The following AGBL4 variants were observed in gnomAD, a reference collection of about 807,000 sequenced individuals.
The protein encoded by AGBL4 is cytosolic carboxypeptidase 6.
Under a neutral mutation model 66.4 loss-of-function variants are expected in AGBL4, and 58 were observed. The observed-to-expected ratio is 0.87, with a 90% CI of 0.71 to 1.09. AGBL4 has a LOEUF of 1.09. Among genes scored for constraint, AGBL4 ranks in the 50% least tolerant of loss-of-function variants. The probability of loss-of-function intolerance (pLI) is 0.00; values close to 1 mark genes in which losing one functional copy is unlikely to be tolerated. For synonymous variants in AGBL4, 234 were observed against 222.9 expected (o/e 1.05, Z -0.44); for missense variants, 579 against 631.0 (o/e 0.92, Z 0.88).
intron 1 of AGBL4, among the ~76,000 whole-genome samples, chr1:49,917,043 T>G (rs1228781355): frequency 6.6e-6 from 1 of 152,072 alleles, no homozygotes; most frequent in East Asian, 1.9e-4. Context: ...GCTGAGAGAT[T>G]TTGTCACCAC....
chr1:49,372,410 T>C (rs1004963767), intron 3 of AGBL4, among the ~76,000 whole-genome samples: 4 of 152,110 alleles, frequency 2.6e-5, no homozygotes, highest in African/African-American at 9.7e-5. Flanking sequence ...TTAAAGTTCT[T>C]ATTCCACATT....
intron 3 of AGBL4, among the ~76,000 whole-genome samples, chr1:49,658,752 G>A (rs561852537): frequency 2.2e-3 from 331 of 151,736 alleles, no homozygotes; most frequent in African/African-American, 7.3e-3. Flanking sequence ...GCAAACTATC[G>A]CAAGGACAAA....
intron 4 of AGBL4, among the ~76,000 whole-genome samples, chr1:49,212,547 C>G (rs1346938754): frequency 6.6e-6 from 1 of 152,094 alleles, no homozygotes; most frequent in East Asian, 1.9e-4. Flanking sequence ...TTTAAACAAG[C>G]TGCTAACCCT....
chr1:49,498,135 T>C (rs917886637), intron 3 of AGBL4, among the ~76,000 whole-genome samples: 2 of 151,944 alleles, frequency 1.3e-5, no homozygotes, highest in Non-Finnish European at 2.9e-5. Flanking sequence ...TTGTAGATGT[T>C]GTAAAAGAGA....
intron 1 of AGBL4, among the ~76,000 whole-genome samples, chr1:49,924,496 GATTTATTT>G (rs79857167): frequency 2.9e-4 from 44 of 151,828 alleles, no homozygotes; most frequent in African/African-American, 6.0e-4. Context: ...GTTTTATTTG[GATTTATTT>G]ATTTATTTAT....
Position 48,663,173 on chromosome 1 carries a change from G to C in AGBL4, c.703C>G (p.Pro235Ala). Residue 235 changes from proline (P) to alanine (A), a missense_variant, in exon 7 of 14, where the codon CCC (proline) becomes GCC (alanine). Transcript: ENST00000371839. ...TCACCTTGGCACACAAATGATGAGG[G>C]TGTTTCCCCTGGGTGGACTCGTCCT... Reference protein sequence around the residue: ...ITGRVHPGETPSSFVCQGIID... With the variant: ...ITGRVHPGETASSFVCQGIID... The C allele has an allele frequency of 1.2e-6, 2 of 1,613,928 alleles. No homozygotes were observed. Among genetic ancestry groups the C allele is most frequent in the Non-Finnish European group, 1.7e-6 (2 of 1,179,864 alleles).
intron 1 of AGBL4, among the ~76,000 whole-genome samples, chr1:49,874,411 TA>T (rs1439012306): frequency 3.3e-5 from 5 of 152,234 alleles, no homozygotes; most frequent in African/African-American, 1.2e-4. Flanking sequence ...TAGTGAAGGT[TA>T]CATTAGTGTG....
At chr1:49,000,134 G>A (rs1661298565) in intron 5 of AGBL4, among the ~76,000 whole-genome samples, 1 of 152,112 alleles carries the variant, frequency 6.6e-6, no homozygotes, top group South Asian at 2.1e-4. Flanking sequence ...CTGCAAGTAG[G>A]TACTATTATT....
chr1:49,849,397 TTATTA>T (rs1646244504), intron 2 of AGBL4, among the ~76,000 whole-genome samples: 3 of 77,790 alleles, frequency 3.9e-5, no homozygotes, highest in African/African-American at 1.2e-4. Context: ...ATCTAATTTA[TTATTA>T]TTATTATTAT....
chr1:49,017,912 A>G (rs991563242), intron 5 of AGBL4, among the ~76,000 whole-genome samples: 1 of 152,196 alleles, frequency 6.6e-6, no homozygotes, highest in African/African-American at 2.4e-5. Context: ...AGGAACTGGC[A>G]TTCAGAGAAG....
intron 6 of AGBL4, among the ~76,000 whole-genome samples, chr1:48,857,071 C>T (rs1474599945): frequency 6.6e-6 from 1 of 152,204 alleles, no homozygotes; most frequent in Non-Finnish European, 1.5e-5. Context: ...CATATAATCT[C>T]ATAGCAGCTT....
chr1:49,498,973 A>G (rs1647873617), intron 3 of AGBL4, among the ~76,000 whole-genome samples: 1 of 152,056 alleles, frequency 6.6e-6, no homozygotes, highest in Non-Finnish European at 1.5e-5. Context: ...CATTTTGTTG[A>G]AAATTTTTAC....
chr1:48,917,148 T>C (rs1232599593), intron 5 of AGBL4, among the ~76,000 whole-genome samples: 1 of 152,102 alleles, frequency 6.6e-6, no homozygotes, highest in East Asian at 1.9e-4. Context: ...TATTACCCAG[T>C]ATAATCCAGG....
chr1:49,790,563 T>G (rs753658224), intron 2 of AGBL4, among the ~76,000 whole-genome samples: 4 of 152,074 alleles, frequency 2.6e-5, no homozygotes, highest in Non-Finnish European at 5.9e-5. Context: ...ATTAAAAAAA[T>G]TATCAATTGA....
In AGBL4 at chr1:49,586,385, A is replaced by G. The variant is rs202137678; in HGVS notation, c.282+110928T>C. Among the ~76,000 whole-genome samples the G allele has an allele frequency of 3.3e-5, 5 of 152,226 alleles. No homozygotes were observed. In the East Asian group the frequency reaches 9.6e-4, roughly 29 times the overall value. ...ACAAATTTCATTTCAGTCTATCAAG[A>G]CAACTTTTTCATATGCAACATTATT... On this transcript the variant is annotated intron_variant, in intron 3 of 13. Transcript: ENST00000371839.
chr1:49,125,430 T>C lies in AGBL4; in HGVS notation c.378-79630A>G, dbSNP rs893225136. 5.3e-5 allele frequency among the ~76,000 whole-genome samples: 8 copies of C among 152,250 alleles called. No homozygotes were observed. In the East Asian group the frequency reaches 7.7e-4, roughly 15 times the overall value. ...GAAGTGTCATATAAAGCACAAATCA[T>C]TGGCTTCAAAGCCCACATTCTTTCT... On this transcript the variant is annotated intron_variant, in intron 4 of 13. Transcript: ENST00000371839.
intron 3 of AGBL4, among the ~76,000 whole-genome samples, chr1:49,296,116 TA>T (rs1034642395): frequency 6.6e-6 from 1 of 152,230 alleles, no homozygotes; most frequent in South Asian, 2.1e-4. Flanking sequence ...GTATCTTTAA[TA>T]AAAAAATGCC....
At chr1:49,549,198 T>G (rs2148834910) in intron 3 of AGBL4, among the ~76,000 whole-genome samples, 1 of 152,220 alleles carries the variant, frequency 6.6e-6, no homozygotes, top group South Asian at 2.1e-4. Context: ...TGGTTAATCT[T>G]GCTAATGGTC....
chr1:49,870,721 A>T (rs1435848661), intron 1 of AGBL4, among the ~76,000 whole-genome samples: 1 of 152,100 alleles, frequency 6.6e-6, no homozygotes, highest in Non-Finnish European at 1.5e-5. Flanking sequence ...ATAGTTGCTA[A>T]GCACATGAAA....
Sources: gnomAD v4.1 joint callset for allele counts (sites outside exome capture counted in the v4.1 genomes callset) on GRCh38, gnomAD v4.1.1 for gene constraint, MANE v1.5 for transcripts, NCBI Gene and HGNC (gene_info 2026-07-23, HGNC 2026-07-21) for gene names.